Variants in MAP9 observed in about 807,000 individuals in gnomAD.
The protein encoded by MAP9 is microtubule-associated protein 9.
MAP9 carries 80 observed loss-of-function variants against 75.2 expected under a neutral mutation model. The ratio of observed to expected loss-of-function variants is 1.06; its 90% CI spans 0.89 to 1.28. The LOEUF is 1.28. Among genes scored for constraint, MAP9 ranks in the 50% most tolerant of loss-of-function variants. MAP9 has a pLI of 0.00. For synonymous variants in MAP9, 235 were observed against 237.3 expected (o/e 0.99, Z 0.09); for missense variants, 753 against 719.9 (o/e 1.05, Z -0.53).
In MAP9 at chr4:155,360,189, G is replaced by T; in HGVS notation, c.1029C>A (p.Thr343=). Residue 343 remains threonine, a synonymous_variant, in exon 7 of 14, where the codon ACC becomes ACA. Transcript: ENST00000311277. ...LSKSQSILIS[T]SATASSKKTI... is the part of the protein sequence containing the mutation. ...ATACCTTTGAAGATGCTGTTGCACT[G>T]GTAGATATTAAGATACTCTGAGATT... 1 of 1,611,510 alleles carries T rather than the reference G, an allele frequency of 6.2e-7. No homozygotes were observed. The highest frequency in any genetic ancestry group is 8.5e-7 in the Non-Finnish European group (1 of 1,178,104).
At chr4:155,349,014 C>A (rs1411557098) in intron 13 of MAP9, among the ~76,000 whole-genome samples, 2 of 152,060 alleles carry the variant, frequency 1.3e-5, no homozygotes, top group East Asian at 1.9e-4. Context: ...CAGATAATTC[C>A]AAATTGTGTG....
At chr4:155,366,031 ATT>A (rs1560813597) in intron 5 of MAP9, among the ~76,000 whole-genome samples, 3 of 152,130 alleles carry the variant, frequency 2.0e-5, no homozygotes, top group African/African-American at 7.2e-5. Context: ...GAATGAGAAA[ATT>A]TTCAAATCTA....
At chr4:155,367,495 G>GTTGT (rs1365645773) in intron 5 of MAP9, 21 of 152,224 alleles carry the variant, frequency 1.4e-4, no homozygotes, top group Non-Finnish European at 1.5e-4. Context: ...ATACATTTCT[G>GTTGT]TTGTTTTAAG....
At chr4:155,363,965 G>A (rs953702837) in intron 5 of MAP9, among the ~76,000 whole-genome samples, 5 of 152,082 alleles carry the variant, frequency 3.3e-5, no homozygotes, top group African/African-American at 1.2e-4. Flanking sequence ...TTCACAGACA[G>A]TATCAGCTTA....
chr4:155,371,773 C>G (rs1286066612), intron 4 of MAP9, among the ~76,000 whole-genome samples: 4 of 151,158 alleles, frequency 2.6e-5, no homozygotes, highest in Non-Finnish European at 5.9e-5. Flanking sequence ...GATTATCTAC[C>G]ATAAACTTCT....
intron 7 of MAP9, among the ~76,000 whole-genome samples, chr4:155,359,912 A>C (rs556546993): frequency 6.6e-6 from 1 of 152,194 alleles, no homozygotes; most frequent in South Asian, 2.1e-4. Context: ...TGCATTTCTG[A>C]GACATTTAAA....
At chr4:155,355,631 A>G (rs1485338147) in intron 9 of MAP9, 85 bp downstream of exon 9, 2 of 978,194 alleles carry the variant, frequency 2.0e-6, no homozygotes, top group East Asian at 5.2e-5. Context: ...ATCATTTTCT[A>G]TCAGGATTAC....
intron 4 of MAP9, among the ~76,000 whole-genome samples, chr4:155,370,948 T>C (rs549993127): frequency 6.6e-6 from 1 of 152,288 alleles, no homozygotes; most frequent in South Asian, 2.1e-4. Context: ...ATTATCCCGT[T>C]TTTAAAGATG....
intron 9 of MAP9, 109 bp from the exon 10 acceptor site, chr4:155,355,269 T>A: frequency 2.4e-6 from 1 of 414,976 alleles, no homozygotes; most frequent in South Asian, 6.9e-5. Context: ...TTCTAAAGTA[T>A]ACTATTCTAC....
At position 155,347,628 on chromosome 4, in the gene MAP9, T is replaced by C; in HGVS notation, c.*155A>G. ...CTACAGTTCAAAAAAATGCTTTCAC[T>C]GATTACATTCCAAAGTATTTCTTTC... On this transcript the variant is annotated 3_prime_UTR_variant, in exon 14 of 14. Transcript: ENST00000311277. 1 of 708,660 alleles carries C rather than the reference T, an allele frequency of 1.4e-6. No homozygotes were observed. Among genetic ancestry groups the C allele is most frequent in the Non-Finnish European group, 2.2e-6 (1 of 464,748 alleles). The allele number at this position is 708,660 out of a possible 1,614,324, so 43.9% of individuals were successfully genotyped here. A position where few individuals can be genotyped will look rare whatever the true frequency, so the allele number is the denominator to read the frequency against.
At position 155,373,347 on chromosome 4, in the gene MAP9, C is replaced by T. The variant is rs761635764; in HGVS notation, c.270G>A (p.Leu90=). 28 of 1,612,850 alleles carry T rather than the reference C, an allele frequency of 1.7e-5. 2 individuals are homozygous for T. The South Asian group carries it at 2.6e-4, about 15-fold the overall frequency. The change falls in exon 4 of 14, where the codon TTG becomes TTA. Residue 90 remains leucine (L), a synonymous_variant. Coordinates refer to ENST00000311277, the MANE Select transcript of MAP9 (RefSeq NM_001039580.2). The stretch of plus-strand genomic sequence containing the variant: ...CGTTTGATTTATTGGTTTTCAAAAA[C>T]AATAGTTTTGAAGGATTCTTTTCTT... ...DDEEKNPSKL[L]FLKTNKSNGN...
At chr4:155,349,715 A>G (rs939946498) in intron 13 of MAP9, 7 of 152,250 alleles carry the variant, frequency 4.6e-5, no homozygotes, top group African/African-American at 1.7e-4. Flanking sequence ...TAATTAGATC[A>G]TCTTCAATCA....
Position 155,375,925 on chromosome 4 carries a change from C to T in MAP9, c.-64-11G>A, listed in dbSNP as rs963712013. 1 of 945,768 alleles carries T rather than the reference C, an allele frequency of 1.1e-6. No individual in the cohort carries two copies. 58.6% of individuals were successfully genotyped at this position (945,768 alleles called of 1,614,324 possible). On this transcript the variant is annotated splice_polypyrimidine_tract_variant and intron_variant, in intron 1 of 13. Transcript: ENST00000311277. ...AACTTCTGATAGTAGCTGAAATATA[C>T]AAAACAAATCAGACTTCGCATGCTT...
rs1315476713 is a variant in MAP9, at chr4:155,353,176, T to C, written c.1542+3A>G. On this transcript the variant is annotated splice_donor_region_variant and intron_variant, in intron 11 of 13. Coordinates refer to ENST00000311277, the MANE Select transcript of MAP9 (RefSeq NM_001039580.2). ...TAATTAAGATGTGCAAAGTTCTGAATACTTGTAGTGCTTCTCCTTTTCTTG... is the reference window on the plus strand; with the variant it reads ...TAATTAAGATGTGCAAAGTTCTGAACACTTGTAGTGCTTCTCCTTTTCTTG... The C allele has an allele frequency of 3.2e-6, 5 of 1,585,394 alleles. No homozygotes were observed. Among genetic ancestry groups the C allele is most frequent in the Non-Finnish European group, 4.3e-6 (5 of 1,170,400 alleles).
At chr4:155,365,133 A>G (rs1454426804) in intron 5 of MAP9, among the ~76,000 whole-genome samples, 4 of 152,080 alleles carry the variant, frequency 2.6e-5, no homozygotes. Flanking sequence ...TAAAAAAGTG[A>G]CACCAAACTC....
At chr4:155,373,545 TACAA>T in intron 3 of MAP9, 89 bp from the exon 4 acceptor site, 1 of 865,872 alleles carries the variant, frequency 1.2e-6, no homozygotes, top group South Asian at 2.2e-5. Flanking sequence ...CCTTAAAAGC[TACAA>T]ACAAAATTCT....
In MAP9 at chr4:155,352,979, T is replaced by G; in HGVS notation, c.1621A>C (p.Lys541Gln). 1.3e-6 allele frequency: 2 copies of G among 1,544,292 alleles called. No homozygotes were observed. Among genetic ancestry groups the G allele is most frequent in the South Asian group, 2.4e-5 (2 of 83,196 alleles). The change falls in exon 12 of 14, where the codon AAG (lysine) becomes CAG (glutamine). Residue 541 changes from lysine (K) to glutamine (Q), a missense_variant. Lys to Gln is a moderately conservative substitution (Grantham distance 53). Coordinates refer to ENST00000311277, the MANE Select transcript of MAP9 (RefSeq NM_001039580.2). The part of the protein sequence containing the change: ...NRKEREYERA[K>Q]KQKEEETVAE... ...ACAGTTTCCTCCTCTTTCTGTTTCT[T>G]TGCTCTTTCATATTCTCTCTCCTTT...
rs1197267774 is a variant in MAP9, at chr4:155,345,909, T to C, written c.*1874A>G. 6.6e-6 allele frequency: 1 copy of C among 152,156 alleles called. No individual in the cohort carries two copies. Among genetic ancestry groups the C allele is most frequent in the East Asian group, 1.9e-4 (1 of 5,202 alleles). 9.4% of individuals were successfully genotyped at this position (152,156 alleles called of 1,614,324 possible). A position where few individuals can be genotyped will look rare whatever the true frequency, so the allele number is the denominator to read the frequency against. Reference sequence around the variant, plus strand: ...TAATACAATAAACACTTTTAATCTATTTTGGCAGGCACTGTTTTTGGTACT... The same window carrying C: ...TAATACAATAAACACTTTTAATCTACTTTGGCAGGCACTGTTTTTGGTACT... On this transcript the variant is annotated 3_prime_UTR_variant, in exon 14 of 14. Transcript: ENST00000311277.
chr4:155,367,652 CAGTT>C (rs1257001611), intron 5 of MAP9: 2 of 152,212 alleles, frequency 1.3e-5, no homozygotes, highest in South Asian at 2.1e-4. Flanking sequence ...ATGGTGGTGT[CAGTT>C]AGGCGTATAT....
Sources: gnomAD v4.1 joint callset for allele counts (sites outside exome capture counted in the v4.1 genomes callset) on GRCh38, gnomAD v4.1.1 for gene constraint, MANE v1.5 for transcripts, NCBI Gene and HGNC (gene_info 2026-07-23, HGNC 2026-07-21) for gene names.